The following THUMPD2 variants were observed in gnomAD, a reference collection of about 807,000 sequenced individuals.
THUMPD2 encodes the protein U6 snRNA (guanine-N(2))-methyltransferase THUMPD2.
THUMPD2 carries 56 observed loss-of-function variants against 49.4 expected under a neutral mutation model. The observed-to-expected ratio is 1.13, with a 90% CI of 0.91 to 1.41. The LOEUF is 1.41. THUMPD2 is among the 40% of genes most tolerant of loss of function. The pLI is 0.00. For synonymous variants in THUMPD2, 237 were observed against 205.2 expected, an observed-to-expected ratio of 1.15 and a Z score of -1.32; for missense variants, 709 against 594.5, an observed-to-expected ratio of 1.19 and a Z score of -2.00.
In THUMPD2 at chr2:39,769,878, TTTTA is replaced by T. The variant is rs751433260; in HGVS notation, c.500_503del (p.Ile167LysfsTer26). On this transcript the variant is annotated frameshift_variant, in exon 3 of 10. Coordinates refer to ENST00000505747, the MANE Select transcript of THUMPD2 (RefSeq NM_025264.5). LOFTEE classifies it high-confidence loss of function. ...AATCTCTTTGCTCCAGAGTTTCTTC[TTTTA>T]TTTGTTTTTCCAGCTGGCAGTCCCT... The T allele has an allele frequency of 2.5e-6, 4 of 1,600,366 alleles. No individual in the cohort carries two copies. The African/African-American group carries it at 4.1e-5, about 16-fold the overall frequency.
chr2:39,768,167 T>C (rs1171647006), intron 4 of THUMPD2, among the ~76,000 whole-genome samples: 1 of 152,170 alleles, frequency 6.6e-6, no homozygotes, highest in Non-Finnish European at 1.5e-5. Flanking sequence ...TAATAAATGT[T>C]TTTTTCTTCA....
At chr2:39,762,934 T>C (rs769119562) in intron 5 of THUMPD2, among the ~76,000 whole-genome samples, 12 of 151,836 alleles carry the variant, frequency 7.9e-5, no homozygotes, top group Non-Finnish European at 1.8e-4. Context: ...TGGGACATAA[T>C]TCTATTAATA....
chr2:39,747,672 G>C (rs1284310228), intron 8 of THUMPD2, among the ~76,000 whole-genome samples: 1 of 151,838 alleles, frequency 6.6e-6, no homozygotes, highest in African/African-American at 2.4e-5. Flanking sequence ...TTTTTTTTGA[G>C]AAAAAATAAT....
intron 4 of THUMPD2, among the ~76,000 whole-genome samples, chr2:39,766,987 G>A (rs965414430): frequency 6.6e-6 from 1 of 151,990 alleles, no homozygotes; most frequent in African/African-American, 2.4e-5. Context: ...CTAAAGATAC[G>A]ACATGTTCAT....
intron 6 of THUMPD2, among the ~76,000 whole-genome samples, chr2:39,759,642 C>T (rs1036889705): frequency 6.6e-6 from 1 of 152,008 alleles, no homozygotes; most frequent in Admixed American, 6.6e-5. Context: ...AAGAGAAACA[C>T]CTTACAAGTT....
intron 9 of THUMPD2, among the ~76,000 whole-genome samples, chr2:39,738,884 C>A (rs948192221): frequency 1.3e-5 from 2 of 151,784 alleles, no homozygotes; most frequent in Admixed American, 6.6e-5. Flanking sequence ...TCAAGAAGTT[C>A]AGCTGTACAG....
chr2:39,762,361 A>C (rs934047737), intron 5 of THUMPD2, among the ~76,000 whole-genome samples: 2 of 151,876 alleles, frequency 1.3e-5, no homozygotes, highest in Non-Finnish European at 2.9e-5. Context: ...TCTTTCTTTC[A>C]CCATTTTGCC....
chr2:39,746,801 T>C lies in THUMPD2; in HGVS notation c.1079-2323A>G, dbSNP rs1490603699. 1.3e-5 allele frequency among the ~76,000 whole-genome samples: 2 copies of C among 152,194 alleles called. 1 individual carries two copies. The highest frequency in any genetic ancestry group is 1.3e-4 in the Admixed American group (2 of 15,288). ...TATGGGCCTTCAAGATGTCTTTTCA[T>C]GCATATATTTAAACTAAAGACCAGG... On this transcript the variant is annotated intron_variant, in intron 8 of 9. Transcript: ENST00000505747.
chr2:39,738,947 T>C (rs1043609573), intron 9 of THUMPD2, among the ~76,000 whole-genome samples: 2 of 152,070 alleles, frequency 1.3e-5, no homozygotes, highest in Non-Finnish European at 2.9e-5. Flanking sequence ...ATCTGCCTCA[T>C]GCCCAGCAAA....
chr2:39,753,252 G>A (rs1675654708), intron 8 of THUMPD2, among the ~76,000 whole-genome samples: 1 of 152,026 alleles, frequency 6.6e-6, no homozygotes, highest in African/African-American at 2.4e-5. Flanking sequence ...GCCCCTCCAG[G>A]GAAGCTGCCC....
intron 6 of THUMPD2, among the ~76,000 whole-genome samples, chr2:39,758,983 C>T (rs544510561): frequency 5.5e-4 from 83 of 151,756 alleles, no homozygotes; most frequent in Non-Finnish European, 1.0e-3. Context: ...TTTTTTTAAG[C>T]TAAAAATATA....
At chr2:39,757,990 G>C (rs1259503820) in intron 6 of THUMPD2, among the ~76,000 whole-genome samples, 1 of 152,096 alleles carries the variant, frequency 6.6e-6, no homozygotes, top group Non-Finnish European at 1.5e-5. Context: ...TTCTTTAACA[G>C]ACCTCCTTTG....
chr2:39,755,841 C>G, intron 7 of THUMPD2, 48 bp downstream of exon 7: 1 of 1,482,518 alleles, frequency 6.7e-7, no homozygotes, highest in Non-Finnish European at 9.4e-7. Context: ...ACTACATATA[C>G]TGATTAAAGT....
chr2:39,753,017 T>C (rs1675622432), intron 8 of THUMPD2, among the ~76,000 whole-genome samples: 1 of 152,136 alleles, frequency 6.6e-6, no homozygotes, highest in African/African-American at 2.4e-5. Context: ...CCTTCCTCCG[T>C]CATGCCAAAT....
intron 9 of THUMPD2, among the ~76,000 whole-genome samples, chr2:39,742,933 T>G (rs1194900630): frequency 6.6e-6 from 1 of 152,138 alleles, no homozygotes; most frequent in African/African-American, 2.4e-5. Flanking sequence ...AATGTCTGAA[T>G]TATAGGTGCT....
chr2:39,745,225 A>C (rs1161097613), intron 8 of THUMPD2, among the ~76,000 whole-genome samples: 1 of 152,130 alleles, frequency 6.6e-6, no homozygotes, highest in Non-Finnish European at 1.5e-5. Context: ...ATAGTACCTA[A>C]TTTTGCAGAA....
At chr2:39,765,244 C>T (rs1022345100) in intron 5 of THUMPD2, among the ~76,000 whole-genome samples, 1 of 152,154 alleles carries the variant, frequency 6.6e-6, no homozygotes, top group Non-Finnish European at 1.5e-5. Context: ...ATGGCCACCT[C>T]CGCCTCCTGG....
chr2:39,742,445 C>T (rs1230958259), intron 9 of THUMPD2, among the ~76,000 whole-genome samples: 1 of 152,128 alleles, frequency 6.6e-6, no homozygotes, highest in Non-Finnish European at 1.5e-5. Context: ...GGAATAAAAA[C>T]CAAACCCATC....
chr2:39,778,513 C>T (rs181831672), intron 1 of THUMPD2, among the ~76,000 whole-genome samples: 65 of 152,342 alleles, frequency 4.3e-4, no homozygotes, highest in Admixed American at 3.9e-3. Context: ...CCTTCATCCC[C>T]TACTTTCAAG....
Sources: gnomAD v4.1 joint callset for allele counts (sites outside exome capture counted in the v4.1 genomes callset) on GRCh38, gnomAD v4.1.1 for gene constraint, MANE v1.5 for transcripts, NCBI Gene and HGNC (gene_info 2026-07-23, HGNC 2026-07-21) for gene names.